MAPK4: variants seen among roughly 807,000 people sequenced by gnomAD.
The protein encoded by MAPK4 is mitogen-activated protein kinase 4, also known as Erk3-related.
In MAPK4, 22 loss-of-function variants were observed where a neutral mutation model predicts 47.7. That is an observed-to-expected ratio of 0.46 (90% CI 0.33 to 0.66). The LOEUF is 0.66. MAPK4 is among the 30% of genes least tolerant of loss of function. MAPK4 has a pLI of 0.02. For missense variants in MAPK4, 736 were observed against 831.7 expected (o/e 0.88, Z 1.42); for synonymous variants, 390 against 365.7 (o/e 1.07, Z -0.76).
chr18:50,649,803 C>A (rs1056893869), intron 1 of MAPK4, among the ~76,000 whole-genome samples: 1 of 152,194 alleles, frequency 6.6e-6, no homozygotes, highest in Non-Finnish European at 1.5e-5. Flanking sequence ...TCCTCTTGTT[C>A]CCAGCACATA....
intron 4 of MAPK4, among the ~76,000 whole-genome samples, chr18:50,722,631 C>T (rs984828149): frequency 4.6e-5 from 7 of 152,202 alleles, no homozygotes; most frequent in African/African-American, 1.7e-4. Context: ...TCGGTGACAG[C>T]ATCCCTCAGC....
At chr18:50,618,308 C>G (rs553703399) in intron 1 of MAPK4, among the ~76,000 whole-genome samples, 1 of 152,272 alleles carries the variant, frequency 6.6e-6, no homozygotes, top group South Asian at 2.1e-4. Context: ...AGTCAGTTCA[C>G]CCAAACTAGT....
At chr18:50,707,776 G>A (rs1285778172) in intron 2 of MAPK4, among the ~76,000 whole-genome samples, 1 of 152,090 alleles carries the variant, frequency 6.6e-6, no homozygotes, top group Admixed American at 6.6e-5. Flanking sequence ...CACAGGGCCT[G>A]GAGTGTCCAA....
intron 1 of MAPK4, among the ~76,000 whole-genome samples, chr18:50,607,019 T>TA (rs1244425280): frequency 6.6e-6 from 1 of 152,246 alleles, no homozygotes; most frequent in African/African-American, 2.4e-5. Context: ...CTGGCAGTGT[T>TA]AAGCCAGTGC....
chr18:50,584,620 CAT>C (rs1194898872), intron 1 of MAPK4, among the ~76,000 whole-genome samples: 4 of 152,182 alleles, frequency 2.6e-5, no homozygotes, highest in African/African-American at 9.6e-5. Context: ...CCTTGTGGCA[CAT>C]GTTACAAACC....
chr18:50,582,405 C>T (rs2042353423), intron 1 of MAPK4, among the ~76,000 whole-genome samples: 1 of 152,180 alleles, frequency 6.6e-6, no homozygotes, highest in Admixed American at 6.5e-5. Context: ...TAATGAGCTC[C>T]CTGATGTTAG....
chr18:50,563,695 C>T (rs189869573), intron 1 of MAPK4, among the ~76,000 whole-genome samples: 23 of 152,234 alleles, frequency 1.5e-4, no homozygotes, highest in African/African-American at 3.9e-4. Flanking sequence ...CAGAAAGAGT[C>T]GGTAGGGTAG....
At chr18:50,685,021 C>T (rs1908796840) in intron 2 of MAPK4, among the ~76,000 whole-genome samples, 1 of 152,216 alleles carries the variant, frequency 6.6e-6, no homozygotes. Flanking sequence ...AGCCTCCTAG[C>T]TCACAGCACT....
chr18:50,642,981 G>A (rs981121682), intron 1 of MAPK4, among the ~76,000 whole-genome samples: 8 of 152,218 alleles, frequency 5.3e-5, no homozygotes, highest in African/African-American at 1.2e-4. Flanking sequence ...TGCTTTATTC[G>A]TTAACTTTCA....
At chr18:50,714,919 C>T (rs1257225345) in intron 2 of MAPK4, among the ~76,000 whole-genome samples, 160 bp from the exon 3 acceptor site, 1 of 152,102 alleles carries the variant, frequency 6.6e-6, no homozygotes, top group African/African-American at 2.4e-5. Flanking sequence ...TCTAACCAGA[C>T]GTCTGTTCAC....
chr18:50,729,445 C>T lies in MAPK4; in HGVS notation c.1355C>T (p.Ser452Leu), dbSNP rs751431559. Residue 452 changes from serine to leucine, a missense_variant, in exon 6 of 6, where the codon TCG becomes TTG. Physicochemically the swap from Ser to Leu is moderately radical, Grantham distance 145. Coordinates refer to ENST00000400384, the MANE Select transcript of MAPK4 (RefSeq NM_002747.4). ...LWRDNKPHHY[S>L]EPKLILDLSH... is the part of the protein sequence containing the mutation. ...CGCGACAACAAGCCGCACCACTACT[C>T]GGAGCCCAAGCTCATCCTGGACCTG... is the stretch of plus-strand genomic sequence containing the variant. 9 of 1,532,992 alleles carry T rather than the reference C, an allele frequency of 5.9e-6. No homozygotes were observed. In the African/African-American group the frequency reaches 9.5e-5, roughly 16 times the overall value. 95.0% of individuals were successfully genotyped at this position (1,532,992 alleles called of 1,614,324 possible). A position where few individuals can be genotyped will look rare whatever the true frequency, so the allele number is the denominator to read the frequency against.
At chr18:50,596,361 ATTGACCTGGGAT>A (rs1487217938) in intron 1 of MAPK4, among the ~76,000 whole-genome samples, 1 of 152,110 alleles carries the variant, frequency 6.6e-6, no homozygotes, top group Non-Finnish European at 1.5e-5. Context: ...GTTGACTGTA[ATTGACCTGGGAT>A]TTGATCTGTC....
At chr18:50,566,044 G>C (rs2042195606) in intron 1 of MAPK4, among the ~76,000 whole-genome samples, 1 of 152,220 alleles carries the variant, frequency 6.6e-6, no homozygotes, top group South Asian at 2.1e-4. Flanking sequence ...CAGTGAGGAA[G>C]ACAGTGTTCT....
intron 2 of MAPK4, among the ~76,000 whole-genome samples, chr18:50,708,331 G>A (rs1910168364): frequency 6.6e-6 from 1 of 152,164 alleles, no homozygotes; most frequent in African/African-American, 2.4e-5. Flanking sequence ...CTTTTGATGA[G>A]TGTCTGTAAC....
intron 1 of MAPK4, among the ~76,000 whole-genome samples, chr18:50,565,173 G>A (rs1170059902): frequency 6.6e-6 from 1 of 152,236 alleles, no homozygotes; most frequent in Non-Finnish European, 1.5e-5. Context: ...TGAGAGCACA[G>A]ATCAAAATGG....
At chr18:50,589,943 C>T (rs1226557781) in intron 1 of MAPK4, among the ~76,000 whole-genome samples, 1 of 152,154 alleles carries the variant, frequency 6.6e-6, no homozygotes, top group Non-Finnish European at 1.5e-5. Context: ...TTGTTGTTTC[C>T]AGAGAACTTT....
chr18:50,604,406 C>T (rs568030261), intron 1 of MAPK4, among the ~76,000 whole-genome samples: 1 of 152,236 alleles, frequency 6.6e-6, no homozygotes, highest in South Asian at 2.1e-4. Flanking sequence ...ATCCAGTTCT[C>T]ACTTCATACC....
chr18:50,657,906 C>T (rs551670847), intron 1 of MAPK4, among the ~76,000 whole-genome samples: 7 of 152,036 alleles, frequency 4.6e-5, no homozygotes, highest in African/African-American at 7.2e-5. Flanking sequence ...CTGGTTTGTT[C>T]GTGAGGAGGA....
At chr18:50,584,153 C>T (rs2042369821) in intron 1 of MAPK4, among the ~76,000 whole-genome samples, 2 of 152,178 alleles carry the variant, frequency 1.3e-5, no homozygotes, top group South Asian at 2.1e-4. Context: ...ATGTGTTTAT[C>T]GTCCTTAAGC....
Sources: allele counts gnomAD v4.1 joint callset (sites outside exome capture counted in the v4.1 genomes callset), GRCh38; gene constraint gnomAD v4.1.1; transcripts MANE v1.5; gene names NCBI Gene and HGNC (gene_info 2026-07-23, HGNC 2026-07-21).